TPRX1: variants seen among roughly 807,000 people sequenced by gnomAD.
TPRX1 encodes the protein tetra-peptide repeat homeobox protein 1.
Under a neutral mutation model 8.1 loss-of-function variants are expected in TPRX1, and 2 were observed. The ratio of observed to expected loss-of-function variants is 0.25; its 90% CI spans 0.10 to 0.78. TPRX1 has a LOEUF of 0.78. TPRX1 is among the 30% of genes least tolerant of loss of function. The pLI is 0.70. For synonymous variants in TPRX1, 257 were observed against 254.1 expected, an observed-to-expected ratio of 1.01 and a Z score of -0.11; for missense variants, 517 against 586.9, an observed-to-expected ratio of 0.88 and a Z score of 1.23.
chr19:47,801,804 A>G, exon 4 of TPRX1: 1 of 1,613,946 alleles, frequency 6.2e-7, no homozygotes, highest in Non-Finnish European at 8.5e-7. Flanking sequence ...CTGGGGCCTG[A>G]GTGATTTTCA....
chr19:47,809,425 C>G lies in TPRX1; in HGVS notation c.152-5752G>C, dbSNP rs76963106. ...CCTCCCAAGTAGCTGAGAGGACAGG[C>G]GCATGTGCCACCACATCTGGCTAAT... On this transcript the variant is annotated intron_variant, in intron 2 of 3. Coordinates refer to ENST00000535759, the Ensembl canonical transcript of TPRX1. Among the ~76,000 whole-genome samples, 4 of 151,928 alleles carry G rather than the reference C, an allele frequency of 2.6e-5. No individual in the cohort carries two copies. In the South Asian group the frequency reaches 8.3e-4, roughly 32 times the overall value.
exon 4 of TPRX1, chr19:47,801,626 C>G: frequency 1.1e-6 from 1 of 926,662 alleles, no homozygotes; most frequent in Non-Finnish European, 1.6e-6. Context: ...AGCAGAGCCA[C>G]CTGTGATAGC....
At chr19:47,815,114 T>TATA (rs1967819232) in intron 2 of TPRX1, among the ~76,000 whole-genome samples, 1 of 63,390 alleles carries the variant, frequency 1.6e-5, no homozygotes, top group South Asian at 6.1e-4. Context: ...AATAGATAAA[T>TATA]TATATATATA....
At chr19:47,813,644 C>T (rs941482936) in intron 2 of TPRX1, among the ~76,000 whole-genome samples, 2 of 152,020 alleles carry the variant, frequency 1.3e-5, no homozygotes, top group African/African-American at 4.8e-5. Flanking sequence ...TCAGTTTCCC[C>T]TCCTCGTTGT....
exon 4 of TPRX1, chr19:47,802,439 A>ATTGGGCCTGGGATCGGGCCTGGGT (rs746479278): frequency 7.4e-5 from 103 of 1,394,154 alleles, no homozygotes; most frequent in East Asian, 5.6e-4. Flanking sequence ...CGGGCCTGAG[A>ATTGGGCCTGGGATCGGGCCTGGGT]TTGGGCCTGG....
intron 2 of TPRX1, among the ~76,000 whole-genome samples, chr19:47,814,046 T>C (rs1417377150): frequency 1.4e-5 from 2 of 146,360 alleles, no homozygotes; most frequent in African/African-American, 2.5e-5. Context: ...GTTAGAAGGG[T>C]GCCAACATTG....
At chr19:47,802,667 C>T in exon 4 of TPRX1, 1 of 1,558,104 alleles carries the variant, frequency 6.4e-7, no homozygotes, top group Non-Finnish European at 8.7e-7. Flanking sequence ...TGGAATTGAG[C>T]CAGGGAGTGG....
intron 2 of TPRX1, among the ~76,000 whole-genome samples, chr19:47,805,084 A>G (rs754491277): frequency 5.3e-5 from 8 of 152,170 alleles, no homozygotes; most frequent in Non-Finnish European, 1.2e-4. Flanking sequence ...CCATTCCAAA[A>G]ATTGCTCCCT....
At chr19:47,810,923 A>G (rs1967777090) in intron 2 of TPRX1, among the ~76,000 whole-genome samples, 1 of 148,808 alleles carries the variant, frequency 6.7e-6, no homozygotes. Flanking sequence ...TTGTTGTTCA[A>G]TGTCTTTCTG....
At chr19:47,818,361 C>T in intron 2 of TPRX1, 1 of 341,110 alleles carries the variant, frequency 2.9e-6, no homozygotes, top group Non-Finnish European at 5.7e-6. Context: ...TCCATCCATC[C>T]ATCCATCATC....
At chr19:47,806,718 A>T (rs1203985235) in intron 2 of TPRX1, among the ~76,000 whole-genome samples, 1 of 152,174 alleles carries the variant, frequency 6.6e-6, no homozygotes, top group African/African-American at 2.4e-5. Context: ...CTATTTATAC[A>T]AAGTGTCCAG....
intron 1 of TPRX1, chr19:47,818,957 T>G: frequency 8.0e-6 from 2 of 250,564 alleles, no homozygotes; most frequent in Non-Finnish European, 1.6e-5. Flanking sequence ...AGTGTTCTCA[T>G]TGTTCAATTC....
chr19:47,811,959 T>C (rs8104402), intron 2 of TPRX1, among the ~76,000 whole-genome samples: 39,721 of 151,352 alleles, frequency 0.26, 5,550 homozygotes, highest in Middle Eastern at 0.36. Flanking sequence ...CTCTGCCTCC[T>C]GGGCTCAAGC....
At chr19:47,811,471 T>C (rs1311059215) in intron 2 of TPRX1, among the ~76,000 whole-genome samples, 1 of 151,546 alleles carries the variant, frequency 6.6e-6, no homozygotes, top group Non-Finnish European at 1.5e-5. Flanking sequence ...GGGTTCCTTA[T>C]TGGCTGAGAC....
chr19:47,815,163 T>TATATATATATGCAAA (rs201060804), intron 2 of TPRX1, among the ~76,000 whole-genome samples: 1 of 86,298 alleles, frequency 1.2e-5, no homozygotes, highest in African/African-American at 5.6e-5. Context: ...TATATATATA[T>TATATATATATGCAAA]TTTTTTTTTT....
intron 2 of TPRX1, among the ~76,000 whole-genome samples, chr19:47,806,789 G>A (rs540974693): frequency 7.7e-4 from 118 of 152,266 alleles, no homozygotes; most frequent in African/African-American, 2.8e-3. Flanking sequence ...GGGGAGAAGG[G>A]AAAATTGGGA....
At chr19:47,815,163 T>TGCAAATATATATATATA (rs201060804) in intron 2 of TPRX1, among the ~76,000 whole-genome samples, 2 of 86,298 alleles carry the variant, frequency 2.3e-5, no homozygotes, top group African/African-American at 1.1e-4. Context: ...TATATATATA[T>TGCAAATATATATATATA]TTTTTTTTTT....
chr19:47,808,149 T>G (rs905878935), intron 2 of TPRX1, among the ~76,000 whole-genome samples: 1 of 152,116 alleles, frequency 6.6e-6, no homozygotes, highest in Admixed American at 6.6e-5. Context: ...AATTTCACTC[T>G]TCTTGCCCAG....
intron 2 of TPRX1, among the ~76,000 whole-genome samples, chr19:47,816,014 G>A (rs1967836653): frequency 6.6e-6 from 1 of 151,936 alleles, no homozygotes; most frequent in Admixed American, 6.6e-5. Flanking sequence ...GCACGGTTTT[G>A]AGAGGCAAAC....
Sources: gnomAD v4.1 joint callset for allele counts (sites outside exome capture counted in the v4.1 genomes callset) on GRCh38, gnomAD v4.1.1 for gene constraint, MANE v1.5 for transcripts, NCBI Gene and HGNC (gene_info 2026-07-23, HGNC 2026-07-21) for gene names.